ADARB2: variants seen among roughly 807,000 people sequenced by gnomAD.
ADARB2 encodes the protein inactive double-stranded RNA-specific editase B2.
A neutral mutation model predicts 62.2 loss-of-function variants in ADARB2; 25 were observed. The ratio of observed to expected loss-of-function variants is 0.40; its 90% CI spans 0.29 to 0.56. The LOEUF (loss-of-function observed/expected upper bound fraction) is 0.56. ADARB2 is among the 20% of genes least tolerant of loss of function. ADARB2 has a pLI of 0.43. For synonymous variants in ADARB2, 572 were observed against 500.8 expected (o/e 1.14, Z -1.90); for missense variants, 1,071 against 1,077.4 (o/e 0.99, Z 0.08).
chr10:1,579,900 G>C (rs1216561387), intron 1 of ADARB2, among the ~76,000 whole-genome samples: 1 of 152,114 alleles, frequency 6.6e-6, no homozygotes, highest in African/African-American at 2.4e-5. Flanking sequence ...AGACATGCCT[G>C]GTGTCTCTAG....
intron 3 of ADARB2, among the ~76,000 whole-genome samples, chr10:1,285,147 AAG>A (rs34131290): frequency 0.25 from 38,620 of 152,076 alleles, 6,152 homozygotes; most frequent in South Asian, 0.53. Flanking sequence ...ATATATGAAA[AAG>A]AGAGACATCC....
intron 1 of ADARB2, among the ~76,000 whole-genome samples, chr10:1,447,675 A>T (rs548853957): frequency 6.6e-6 from 1 of 152,170 alleles, no homozygotes; most frequent in South Asian, 2.1e-4. Context: ...TTGTAATGGC[A>T]CCAGGTAATA....
chr10:1,420,612 G>GA lies in ADARB2; in HGVS notation c.101-41453dup, dbSNP rs869094551. Among the ~76,000 whole-genome samples the GA allele has an allele frequency of 2.7e-3, 321 of 120,450 alleles. 3 individuals carry two copies. The highest frequency in any genetic ancestry group is 9.0e-3 in the African/African-American group (263 of 29,216). 79.0% of individuals were successfully genotyped at this position (120,450 alleles called of 152,430 possible). A position where few individuals can be genotyped will look rare whatever the true frequency, so the allele number is the denominator to read the frequency against. On this transcript the variant is annotated intron_variant, in intron 1 of 9. Coordinates refer to ENST00000381312, the MANE Select transcript of ADARB2 (RefSeq NM_018702.4). ...CAGGTCCTCATCTTCCAGAAAGAGG[G>GA]AAAAAAAAAAAAAAAAAAGGCAGAG...
At chr10:1,215,238 T>TCCCATGCAGGCACTGCCTGC (rs955880224) in intron 7 of ADARB2, among the ~76,000 whole-genome samples, 2 of 152,238 alleles carry the variant, frequency 1.3e-5, no homozygotes, top group South Asian at 4.1e-4. Flanking sequence ...CAGGTGCCTG[T>TCCCATGCAGGCACTGCCTGC]CCCATGCAGG....
intron 1 of ADARB2, among the ~76,000 whole-genome samples, chr10:1,702,201 A>G (rs1222931945): frequency 6.6e-6 from 1 of 152,264 alleles, no homozygotes; most frequent in African/African-American, 2.4e-5. Flanking sequence ...CTTCAAATGC[A>G]TAAGGCAAAT....
intron 1 of ADARB2, among the ~76,000 whole-genome samples, chr10:1,645,681 C>T (rs1377061351): frequency 1.3e-5 from 2 of 152,112 alleles, no homozygotes; most frequent in Non-Finnish European, 2.9e-5. Flanking sequence ...GCTCTGAGTC[C>T]ATCCCTGGCA....
chr10:1,424,104 A>T (rs1307012014), intron 1 of ADARB2, among the ~76,000 whole-genome samples: 1 of 149,320 alleles, frequency 6.7e-6, no homozygotes, highest in South Asian at 2.1e-4. Context: ...GTGTATGCAG[A>T]AGGTCCAACA....
intron 1 of ADARB2, among the ~76,000 whole-genome samples, chr10:1,646,410 A>G (rs1000632431): frequency 6.6e-6 from 1 of 152,242 alleles, no homozygotes; most frequent in Non-Finnish European, 1.5e-5. Context: ...GAATCCACAA[A>G]CAATGAACAG....
At chr10:1,478,412 C>T (rs756360919) in intron 1 of ADARB2, among the ~76,000 whole-genome samples, 2 of 152,164 alleles carry the variant, frequency 1.3e-5, no homozygotes, top group African/African-American at 2.4e-5. Flanking sequence ...TTAGTATCTC[C>T]GTTTAAGTAA....
intron 1 of ADARB2, among the ~76,000 whole-genome samples, chr10:1,583,288 G>T (rs968302856): frequency 6.6e-6 from 1 of 152,204 alleles, no homozygotes; most frequent in Non-Finnish European, 1.5e-5. Flanking sequence ...TTGTAGAATT[G>T]TATATACTGA....
chr10:1,585,918 C>T (rs1206678581), intron 1 of ADARB2, among the ~76,000 whole-genome samples: 1 of 152,170 alleles, frequency 6.6e-6, no homozygotes, highest in East Asian at 1.9e-4. Context: ...GCTGTAGTCC[C>T]AGCTACTTGG....
chr10:1,535,681 C>A (rs11250595), intron 1 of ADARB2: 49,090 of 167,234 alleles, frequency 0.29, 8,416 homozygotes, highest in East Asian at 0.6. Flanking sequence ...GCTGCCAAGA[C>A]ACTGGGTTCC....
At chr10:1,305,632 A>G (rs1357740855) in intron 3 of ADARB2, among the ~76,000 whole-genome samples, 4 of 151,852 alleles carry the variant, frequency 2.6e-5, no homozygotes, top group Non-Finnish European at 5.9e-5. Flanking sequence ...TCCTTGATGA[A>G]CATTGATGCA....
intron 6 of ADARB2, among the ~76,000 whole-genome samples, chr10:1,225,065 G>A (rs1364679865): frequency 1.3e-5 from 2 of 151,930 alleles, no homozygotes; most frequent in African/African-American, 2.4e-5. Context: ...GTCTTTGTAG[G>A]TCTCTAAGGA....
At chr10:1,613,870 CAAGGAG>C (rs1425412804) in intron 1 of ADARB2, among the ~76,000 whole-genome samples, 8 of 152,192 alleles carry the variant, frequency 5.3e-5, no homozygotes, top group Non-Finnish European at 1.0e-4. Context: ...CGGGGAAATT[CAAGGAG>C]TTTATTTCTC....
intron 1 of ADARB2, among the ~76,000 whole-genome samples, chr10:1,498,277 A>T (rs1831716807): frequency 6.6e-6 from 1 of 152,122 alleles, no homozygotes. Flanking sequence ...TGGGAGGCTG[A>T]GGCTGGAGAA....
At chr10:1,315,941 A>G (rs564203662) in intron 3 of ADARB2, among the ~76,000 whole-genome samples, 18 of 152,338 alleles carry the variant, frequency 1.2e-4, no homozygotes, top group African/African-American at 4.1e-4. Context: ...TTCTTGGAGC[A>G]TAACAGTTTT....
intron 1 of ADARB2, among the ~76,000 whole-genome samples, chr10:1,730,655 CAT>C (rs1281304109): frequency 3.2e-4 from 45 of 142,678 alleles, no homozygotes; most frequent in African/African-American, 9.3e-4. Context: ...CTTAAGCACA[CAT>C]GTTACTCTTC....
In ADARB2 at chr10:1,326,823, GCC is replaced by G. The variant is rs1491584257; in HGVS notation, c.1077+36203_1077+36204del. Among the ~76,000 whole-genome samples the G allele has an allele frequency of 1.2e-4, 14 of 118,206 alleles. 1 individual carries two copies. The highest frequency in any genetic ancestry group is 1.8e-4 in the Non-Finnish European group (10 of 54,590). 77.5% of individuals were successfully genotyped at this position (118,206 alleles called of 152,430 possible). A position where few individuals can be genotyped will look rare whatever the true frequency, so the allele number is the denominator to read the frequency against. On this transcript the variant is annotated intron_variant, in intron 3 of 9. Coordinates refer to ENST00000381312, the MANE Select transcript of ADARB2 (RefSeq NM_018702.4). ...CCCCACGGCCCAGCGCCTCCCCACG[GCC>G]CAGCGCCTCCCCACGGCCCAGCGCC...
Sources: gnomAD v4.1 joint callset for allele counts (sites outside exome capture counted in the v4.1 genomes callset) on GRCh38, gnomAD v4.1.1 for gene constraint, MANE v1.5 for transcripts, NCBI Gene and HGNC (gene_info 2026-07-23, HGNC 2026-07-21) for gene names.